The following SLC14A2 variants were observed in gnomAD, a reference collection of about 807,000 sequenced individuals.
SLC14A2 encodes urea transporter 2.
In SLC14A2, 91 loss-of-function variants were observed where a neutral mutation model predicts 104.6. The ratio of observed to expected loss-of-function variants is 0.87; its 90% CI spans 0.73 to 1.04. The LOEUF (loss-of-function observed/expected upper bound fraction) is 1.04. Ranked by LOEUF, SLC14A2 falls within the 50% of genes least tolerant of loss-of-function variation. The probability of loss-of-function intolerance (pLI) is 0.00; values close to 1 mark genes in which losing one functional copy is unlikely to be tolerated. For synonymous variants in SLC14A2, 476 were observed against 466.4 expected (o/e 1.02, Z -0.27); for missense variants, 1,189 against 1,156.0 (o/e 1.03, Z -0.41).
intron 1 of SLC14A2, among the ~76,000 whole-genome samples, chr18:45,214,605 T>C (rs565567000): frequency 2.0e-5 from 3 of 152,302 alleles, no homozygotes; most frequent in African/African-American, 7.2e-5. Flanking sequence ...TGTAGCATAA[T>C]CCATCACCAT....
intron 1 of SLC14A2, among the ~76,000 whole-genome samples, chr18:45,618,121 C>A (rs1230609529): frequency 6.6e-6 from 1 of 152,160 alleles, no homozygotes; most frequent in Admixed American, 6.5e-5. Flanking sequence ...CTCAACAAGA[C>A]CAACCTGCCT....
intron 2 of SLC14A2, among the ~76,000 whole-genome samples, chr18:45,598,342 AG>A (rs980393173): frequency 6.6e-6 from 1 of 152,060 alleles, no homozygotes; most frequent in African/African-American, 2.4e-5. Flanking sequence ...GCAGTGGAGA[AG>A]GGGAGGGAGA....
intron 16 of SLC14A2, among the ~76,000 whole-genome samples, chr18:45,670,461 C>T (rs1415626633): frequency 6.6e-6 from 1 of 152,158 alleles, no homozygotes; most frequent in African/African-American, 2.4e-5. Flanking sequence ...CAGTCTGGCG[C>T]TCACTCTGAG....
chr18:45,683,521 C>A lies in SLC14A2; in HGVS notation c.*1002C>A, dbSNP rs922812322. 7.2e-5 allele frequency: 11 copies of A among 152,172 alleles called. No homozygotes were observed. Among genetic ancestry groups the A allele is most frequent in the African/African-American group, 2.7e-4 (11 of 41,434 alleles). 9.4% of individuals were successfully genotyped at this position (152,172 alleles called of 1,614,324 possible). The stretch of plus-strand genomic sequence containing the variant: ...GCTCTCCAGACGTGGGGTTAGGAAC[C>A]TAAATTCACTGAAAATGCCAATGTG... On this transcript the variant is annotated 3_prime_UTR_variant, in exon 20 of 20. Transcript: ENST00000255226.
intron 1 of SLC14A2, among the ~76,000 whole-genome samples, chr18:45,395,808 C>A (rs1265553043): frequency 6.6e-6 from 1 of 152,118 alleles, no homozygotes; most frequent in Non-Finnish European, 1.5e-5. Flanking sequence ...GCCACCTCAA[C>A]AACAGGTCAT....
chr18:45,357,132 A>G (rs1046288426), intron 1 of SLC14A2, among the ~76,000 whole-genome samples: 2 of 152,102 alleles, frequency 1.3e-5, no homozygotes, highest in Admixed American at 1.3e-4. Context: ...CTACAGTGCT[A>G]AGAAGGGGGA....
rs746068619 is a variant in SLC14A2 at position 45,627,038 on chromosome 18, G to A, written c.412G>A (p.Gly138Ser). 6.2e-6 allele frequency: 10 copies of A among 1,613,490 alleles called. No homozygotes were observed. Among genetic ancestry groups the A allele is most frequent in the Admixed American group, 1.7e-5 (1 of 60,026 alleles). Residue 138 changes from glycine (G) to serine (S), a missense_variant, in exon 4 of 20, where the codon GGC becomes AGC. Coordinates refer to ENST00000255226, the MANE Select transcript of SLC14A2 (RefSeq NM_007163.4). ...QVMFINNPLS[G>S]LIIFIGLLIQ... ...GATGTTCATCAACAATCCTCTCAGC[G>A]GCCTCATCATCTTCATAGGGCTGCT...
intron 1 of SLC14A2, among the ~76,000 whole-genome samples, chr18:45,280,887 G>A (rs770032719): frequency 1.9e-4 from 29 of 152,004 alleles, no homozygotes; most frequent in Non-Finnish European, 4.0e-4. Flanking sequence ...CACCATCCCA[G>A]CATCGCTGTG....
chr18:45,201,466 C>T, the SLC14A2 span, among the ~76,000 whole-genome samples: 1 of 152,050 alleles, frequency 6.6e-6, no homozygotes, highest in Admixed American at 6.6e-5. Context: ...CTTTATTTTT[C>T]AAGTTGTTTC....
intron 1 of SLC14A2, among the ~76,000 whole-genome samples, chr18:45,308,605 C>T (rs548259686): frequency 6.6e-6 from 1 of 152,270 alleles, no homozygotes; most frequent in South Asian, 2.1e-4. Context: ...GGGAGGATGC[C>T]TGTGTCCTGG....
intron 1 of SLC14A2, among the ~76,000 whole-genome samples, chr18:45,317,167 C>T (rs2085137814): frequency 6.6e-6 from 1 of 152,188 alleles, no homozygotes; most frequent in Non-Finnish European, 1.5e-5. Flanking sequence ...TTGCTAGGCT[C>T]AGTGGGAAGA....
intron 2 of SLC14A2, among the ~76,000 whole-genome samples, chr18:45,582,811 C>A (rs1049361502): frequency 1.3e-5 from 2 of 152,084 alleles, no homozygotes; most frequent in Non-Finnish European, 2.9e-5. Flanking sequence ...TGTGACATAC[C>A]CCTGGGAATT....
At chr18:45,485,739 T>A (rs2087590863) in intron 2 of SLC14A2, among the ~76,000 whole-genome samples, 2 of 149,384 alleles carry the variant, frequency 1.3e-5, no homozygotes, top group African/African-American at 4.9e-5. Context: ...TTCCAGTGAC[T>A]TTTTTTTTTG....
intron 1 of SLC14A2, among the ~76,000 whole-genome samples, chr18:45,411,780 G>T (rs2086218230): frequency 6.6e-6 from 1 of 152,138 alleles, no homozygotes; most frequent in Admixed American, 6.5e-5. Flanking sequence ...CCTTAGAGAT[G>T]AGGAGCAGTT....
chr18:45,565,128 CTTT>C (rs879652079), intron 2 of SLC14A2, among the ~76,000 whole-genome samples: 1 of 136,948 alleles, frequency 7.3e-6, no homozygotes, highest in South Asian at 2.2e-4. Flanking sequence ...GCATGTGCTT[CTTT>C]TTTTTTTTTT....
At chr18:45,359,387 C>A (rs1442311658) in intron 1 of SLC14A2, among the ~76,000 whole-genome samples, 1 of 152,224 alleles carries the variant, frequency 6.6e-6, no homozygotes, top group Non-Finnish European at 1.5e-5. Context: ...CCCTCCTCCT[C>A]CTCTGCCTCT....
Position 45,408,005 on chromosome 18 carries a change from G to C in SLC14A2, c.-124-75228G>C, listed in dbSNP as rs143384202. On this transcript the variant is annotated intron_variant, in intron 1 of 20. Transcript: ENST00000586448. ...GAGTGCATGCTGTTGGAAAAAAATG[G>C]TGCCAGCAGACTTGTTCAAGGCAGG... Among the ~76,000 whole-genome samples the C allele has an allele frequency of 6.4e-3, 978 of 152,250 alleles. 10 individuals carry two copies. Among genetic ancestry groups the C allele is most frequent in the African/African-American group, 0.022 (913 of 41,548 alleles).
intron 2 of SLC14A2, among the ~76,000 whole-genome samples, chr18:45,511,897 A>G (rs1456603974): frequency 6.6e-6 from 1 of 152,038 alleles, no homozygotes; most frequent in South Asian, 2.1e-4. Flanking sequence ...ACTTTAGGAG[A>G]TAAAGCACTA....
At chr18:45,250,914 T>C (rs1415336275) in intron 1 of SLC14A2, among the ~76,000 whole-genome samples, 20 of 152,104 alleles carry the variant, frequency 1.3e-4, no homozygotes, top group Non-Finnish European at 5.9e-5. Context: ...AGTGTGTAGG[T>C]CCTACCAGAA....
Sources: allele counts gnomAD v4.1 joint callset (sites outside exome capture counted in the v4.1 genomes callset), GRCh38; gene constraint gnomAD v4.1.1; transcripts MANE v1.5; gene names NCBI Gene and HGNC (gene_info 2026-07-23, HGNC 2026-07-21).